Variants in ATP6V1G1 observed in about 807,000 individuals in gnomAD.
ATP6V1G1 encodes the protein ATPase H+ transporting V1 subunit G1.
ATP6V1G1 carries 14 observed loss-of-function variants against 14.2 expected under a neutral mutation model. The observed-to-expected ratio is 0.99, with a 90% CI of 0.65 to 1.55. ATP6V1G1 has a LOEUF of 1.55. Ranked by LOEUF, ATP6V1G1 falls within the 40% of genes most tolerant of loss-of-function variation. The pLI, the probability that ATP6V1G1 is intolerant of heterozygous loss-of-function variation, is 0.00. For synonymous variants in ATP6V1G1, 65 were observed against 53.3 expected (o/e 1.22, Z -0.96); for missense variants, 137 against 146.4 (o/e 0.94, Z 0.33).
Position 114,598,066 on chromosome 9 carries a change from A to G in ATP6V1G1, c.*323A>G, listed in dbSNP as rs954946093. The G allele has an allele frequency of 6.2e-6, 1 of 162,392 alleles. No homozygotes were observed. Among genetic ancestry groups the G allele is most frequent in the Non-Finnish European group, 1.3e-5 (1 of 74,924 alleles). The allele number at this position is 162,392 out of a possible 1,614,324, so 10.1% of individuals were successfully genotyped here. On this transcript the variant is annotated 3_prime_UTR_variant, in exon 3 of 3. Transcript: ENST00000374050. ...TCTTAGATCTAGTTTAAAAAAAAAAAAAACCACATAACAATTCTTTGAAGA... is the reference window on the plus strand; with the variant it reads ...TCTTAGATCTAGTTTAAAAAAAAAAGAAACCACATAACAATTCTTTGAAGA...
chr9:114,593,931 A>C (rs578252689), intron 2 of ATP6V1G1, among the ~76,000 whole-genome samples: 1 of 152,314 alleles, frequency 6.6e-6, no homozygotes, highest in Non-Finnish European at 1.5e-5. Context: ...TCTCTACAAA[A>C]AAATAAGACA....
rs372798959 is a variant in ATP6V1G1 at position 114,587,813 on chromosome 9, G to T, written c.-26G>T. 56 of 1,569,756 alleles carry T rather than the reference G, an allele frequency of 3.6e-5. No homozygotes were observed. The highest frequency in any genetic ancestry group is 1.2e-4 in the African/African-American group (9 of 74,212). On this transcript the variant is annotated 5_prime_UTR_variant, in exon 1 of 3. Coordinates refer to ENST00000374050, the MANE Select transcript of ATP6V1G1 (RefSeq NM_004888.4). ...GCCTTCGAGGTGCCTTAGGCCGCTT[G>T]CCTTGCTCTCAGAATCGCTGCCGCC...
Position 114,597,820 on chromosome 9 carries a change from C to A in ATP6V1G1, c.*77C>A. 1 of 1,278,870 alleles carries A rather than the reference C, an allele frequency of 7.8e-7. No homozygotes were observed. 79.2% of individuals were successfully genotyped at this position (1,278,870 alleles called of 1,614,324 possible). ...ATGAAGCTTAGCACAGCTCTAGTTA[C>A]ATTCTTATGATATGGCATTAAATTA... On this transcript the variant is annotated 3_prime_UTR_variant, in exon 3 of 3. Coordinates refer to ENST00000374050, the MANE Select transcript of ATP6V1G1 (RefSeq NM_004888.4).
At chr9:114,589,307 G>A (rs369306685) in intron 1 of ATP6V1G1, among the ~76,000 whole-genome samples, 2 of 152,164 alleles carry the variant, frequency 1.3e-5, no homozygotes, top group East Asian at 1.9e-4. Flanking sequence ...CCAGTTTCCC[G>A]TCTGGTGAGA....
intron 1 of ATP6V1G1, among the ~76,000 whole-genome samples, chr9:114,590,160 C>G (rs1038438262): frequency 1.4e-5 from 2 of 141,942 alleles, no homozygotes; most frequent in Non-Finnish European, 3.0e-5. Flanking sequence ...ATCTGTCCCA[C>G]AGCACTCCAG....
intron 2 of ATP6V1G1, among the ~76,000 whole-genome samples, chr9:114,596,336 G>A (rs1001708973): frequency 1.3e-5 from 2 of 150,398 alleles, no homozygotes; most frequent in Admixed American, 6.6e-5. Context: ...TGCAGTGAAC[G>A]GAGATCGCGC....
intron 1 of ATP6V1G1, 44 bp from the exon 2 acceptor site, chr9:114,592,508 T>G (rs1218736253): frequency 6.6e-7 from 1 of 1,524,700 alleles, no homozygotes; most frequent in African/African-American, 1.4e-5. Flanking sequence ...CTTGCTTTTC[T>G]ACTTTTAACC....
chr9:114,594,374 C>T (rs1359550817), intron 2 of ATP6V1G1, among the ~76,000 whole-genome samples: 5 of 150,240 alleles, frequency 3.3e-5, no homozygotes, highest in Non-Finnish European at 5.9e-5. Flanking sequence ...CAGCGCCCCC[C>T]GCCCCTTTTT....
rs7853552 is a variant in ATP6V1G1 at position 114,598,517 on chromosome 9, C to T, written c.*774C>T. ...ACACAAATAGCACACATATCACATA[C>T]CCATTTATATACATAATTAGAAAAT... On this transcript the variant is annotated 3_prime_UTR_variant, in exon 3 of 3. Transcript: ENST00000374050. The T allele has an allele frequency of 0.17, 26,052 of 152,328 alleles. 2,391 individuals are homozygous for T. The highest frequency in any genetic ancestry group is 0.25 in the Middle Eastern group (73 of 294). 9.4% of individuals were successfully genotyped at this position (152,328 alleles called of 1,614,324 possible). A position where few individuals can be genotyped will look rare whatever the true frequency, so the allele number is the denominator to read the frequency against.
intron 2 of ATP6V1G1, 68 bp from the exon 3 acceptor site, chr9:114,597,502 C>G: frequency 7.3e-7 from 1 of 1,375,696 alleles, no homozygotes; most frequent in South Asian, 2.1e-5. Context: ...AAGTAGCTTA[C>G]GAAATGTACC....
intron 2 of ATP6V1G1, among the ~76,000 whole-genome samples, chr9:114,592,922 T>C (rs757158854): frequency 2.8e-4 from 43 of 152,240 alleles, no homozygotes; most frequent in Admixed American, 8.5e-4. Context: ...TAGGGATCAG[T>C]TGTGACCAGG....
At chr9:114,594,065 ATT>A (rs57752605) in intron 2 of ATP6V1G1, among the ~76,000 whole-genome samples, 3 of 135,328 alleles carry the variant, frequency 2.2e-5, no homozygotes, top group Non-Finnish European at 3.2e-5. Flanking sequence ...CATCATCTTC[ATT>A]TTTTTTTTTT....
At position 114,598,369 on chromosome 9, in the gene ATP6V1G1, A is replaced by G. The variant is rs1171930170; in HGVS notation, c.*626A>G. The G allele has an allele frequency of 6.6e-6, 1 of 152,480 alleles. No homozygotes were observed. Among genetic ancestry groups the G allele is most frequent in the Non-Finnish European group, 1.5e-5 (1 of 68,016 alleles). 9.4% of individuals were successfully genotyped at this position (152,480 alleles called of 1,614,324 possible). A position where few individuals can be genotyped will look rare whatever the true frequency, so the allele number is the denominator to read the frequency against. ...ATCATTTAAAAGTAAAGACTCTGTCATGCATTTTTCCCCATTCTTTTTTTT... is the reference window on the plus strand; with the variant it reads ...ATCATTTAAAAGTAAAGACTCTGTCGTGCATTTTTCCCCATTCTTTTTTTT... On this transcript the variant is annotated 3_prime_UTR_variant, in exon 3 of 3. Transcript: ENST00000374050.
At chr9:114,593,650 T>C (rs570046411) in intron 2 of ATP6V1G1, among the ~76,000 whole-genome samples, 2 of 152,124 alleles carry the variant, frequency 1.3e-5, no homozygotes, top group Non-Finnish European at 2.9e-5. Flanking sequence ...GCATGATCCA[T>C]CATGCTCAGC....
chr9:114,591,057 G>A (rs974969035), intron 1 of ATP6V1G1, among the ~76,000 whole-genome samples: 1 of 152,198 alleles, frequency 6.6e-6, no homozygotes, highest in Non-Finnish European at 1.5e-5. Flanking sequence ...GCCTCTCAAA[G>A]TGCTGGGATT....
rs1845268853 is a variant in ATP6V1G1 at position 114,598,714 on chromosome 9, G to C, written c.*971G>C. ...CTAGATGATGTGCATTATACCTGTAGTACCTTCATACTAGCCCTTACAAGT... is the reference window on the plus strand; with the variant it reads ...CTAGATGATGTGCATTATACCTGTACTACCTTCATACTAGCCCTTACAAGT... On this transcript the variant is annotated 3_prime_UTR_variant, in exon 3 of 3. Coordinates refer to ENST00000374050, the MANE Select transcript of ATP6V1G1 (RefSeq NM_004888.4). Among the ~76,000 whole-genome samples, 1 of 152,152 alleles carries C rather than the reference G, an allele frequency of 6.6e-6. No homozygotes were observed. The highest frequency in any genetic ancestry group is 1.5e-5 in the Non-Finnish European group (1 of 68,034).
rs748762523 is a variant in ATP6V1G1 at position 114,592,560 on chromosome 9, C to T, written c.91C>T (p.Arg31Trp). 63 of 1,563,290 alleles carry T rather than the reference C, an allele frequency of 4.0e-5. No homozygotes were observed. The highest frequency in any genetic ancestry group is 9.5e-5 in the Admixed American group (5 of 52,538). ...CTCTCCTTTGAAAACAGGAAAGAAC[C>T]GGAGGCTGAAGCAGGCCAAAGAAGA... is the stretch of plus-strand genomic sequence containing the variant. ...KVSEARKRKNRRLKQAKEEAQ... is the reference protein window; with the variant it reads ...KVSEARKRKNWRLKQAKEEAQ... The change falls in exon 2 of 3, where the codon CGG becomes TGG. Residue 31 changes from arginine (R) to tryptophan (W), a missense_variant. Coordinates refer to ENST00000374050, the MANE Select transcript of ATP6V1G1 (RefSeq NM_004888.4).
chr9:114,597,795 A>G lies in ATP6V1G1; in HGVS notation c.*52A>G. The G allele has an allele frequency of 8.2e-6, 12 of 1,457,150 alleles. No homozygotes were observed. The highest frequency in any genetic ancestry group is 1.1e-5 in the Non-Finnish European group (12 of 1,101,476). The allele number at this position is 1,457,150 out of a possible 1,614,324, so 90.3% of individuals were successfully genotyped here. On this transcript the variant is annotated 3_prime_UTR_variant, in exon 3 of 3. Transcript: ENST00000374050. Reference sequence around the variant, plus strand: ...TGGCATTTTAGATGCCCTCACGAATATGAAGCTTAGCACAGCTCTAGTTAC... The same window carrying G: ...TGGCATTTTAGATGCCCTCACGAATGTGAAGCTTAGCACAGCTCTAGTTAC...
intron 1 of ATP6V1G1, among the ~76,000 whole-genome samples, chr9:114,588,662 G>A (rs1845153503): frequency 6.6e-6 from 1 of 152,002 alleles, no homozygotes; most frequent in Admixed American, 6.6e-5. Context: ...GGAGAGATGA[G>A]GGCTGGAGTG....
Sources: gnomAD v4.1 joint callset for allele counts (sites outside exome capture counted in the v4.1 genomes callset) on GRCh38, gnomAD v4.1.1 for gene constraint, MANE v1.5 for transcripts, NCBI Gene and HGNC (gene_info 2026-07-23, HGNC 2026-07-21) for gene names.